The following PRKCB variants were observed in gnomAD, a reference collection of about 807,000 sequenced individuals.
PRKCB encodes protein kinase C beta.
Under a neutral mutation model 81.5 loss-of-function variants are expected in PRKCB, and 13 were observed. The observed-to-expected ratio is 0.16, with a 90% CI of 0.10 to 0.25. The LOEUF (loss-of-function observed/expected upper bound fraction) is 0.25. PRKCB is among the 10% of genes least tolerant of loss of function. The pLI, the probability that PRKCB is intolerant of heterozygous loss-of-function variation, is 1.00. For missense variants in PRKCB, 509 were observed against 875.7 expected (o/e 0.58, Z 5.29); for synonymous variants, 335 against 321.4 (o/e 1.04, Z -0.45).
chr16:24,021,739 A>C (rs1275579365), intron 3 of PRKCB, among the ~76,000 whole-genome samples: 1 of 152,030 alleles, frequency 6.6e-6, no homozygotes, highest in Admixed American at 6.6e-5. Flanking sequence ...GACCTTGGGC[A>C]AGTTACTTCT....
chr16:24,171,330 A>G (rs1234426205), intron 10 of PRKCB, among the ~76,000 whole-genome samples: 1 of 152,166 alleles, frequency 6.6e-6, no homozygotes, highest in Non-Finnish European at 1.5e-5. Context: ...GTACCTTCCC[A>G]TAGTACTGCT....
At chr16:24,063,281 C>A (rs1033884438) in intron 5 of PRKCB, among the ~76,000 whole-genome samples, 1 of 151,598 alleles carries the variant, frequency 6.6e-6, no homozygotes, top group South Asian at 2.1e-4. Flanking sequence ...TTTCTGCTTG[C>A]GCCTATCCTG....
chr16:24,144,014 G>A (rs1966949440), intron 9 of PRKCB, among the ~76,000 whole-genome samples: 1 of 152,160 alleles, frequency 6.6e-6, no homozygotes, highest in African/African-American at 2.4e-5. Flanking sequence ...AAGTTCTAGA[G>A]AAAGCTTATT....
At chr16:24,102,360 T>C (rs1966520266) in intron 7 of PRKCB, among the ~76,000 whole-genome samples, 1 of 152,258 alleles carries the variant, frequency 6.6e-6, no homozygotes, top group East Asian at 1.9e-4. Context: ...ACATTTGCGA[T>C]GCTGTCTTGA....
intron 5 of PRKCB, among the ~76,000 whole-genome samples, chr16:24,088,180 C>T (rs1000241087): frequency 9.9e-5 from 15 of 152,138 alleles, no homozygotes; most frequent in Admixed American, 2.0e-4. Flanking sequence ...GAGGGACAGC[C>T]CTTTGGATCT....
intron 5 of PRKCB, among the ~76,000 whole-genome samples, chr16:24,071,566 C>T (rs970682297): frequency 6.6e-6 from 1 of 151,278 alleles, no homozygotes. Flanking sequence ...TCTAGCTCAA[C>T]TCAACAGGGC....
intron 12 of PRKCB, among the ~76,000 whole-genome samples, chr16:24,176,798 G>A (rs762986489): frequency 2.6e-5 from 4 of 151,926 alleles, no homozygotes; most frequent in South Asian, 2.1e-4. Context: ...GGAGGCTGAG[G>A]CAGGAGAATT....
chr16:23,990,975 C>A (rs1183556797), intron 3 of PRKCB, among the ~76,000 whole-genome samples: 2 of 152,212 alleles, frequency 1.3e-5, no homozygotes, highest in Non-Finnish European at 2.9e-5. Flanking sequence ...ACCCCTAGTT[C>A]TCTTACTTTG....
At position 24,026,044 on chromosome 16, in the gene PRKCB, C is replaced by T. The variant is rs140058084; in HGVS notation, c.289-6092C>T. Reference sequence around the variant, plus strand: ...GGGTGTGGTGGTTCACACCTGTAATCCTAGTACTTTGCAAGGCTGAGGCAG... The same window carrying T: ...GGGTGTGGTGGTTCACACCTGTAATTCTAGTACTTTGCAAGGCTGAGGCAG... On this transcript the variant is annotated intron_variant, in intron 3 of 16. Transcript: ENST00000643927. 5.3e-4 allele frequency among the ~76,000 whole-genome samples: 80 copies of T among 152,276 alleles called. No individual in the cohort carries two copies. The East Asian group carries it at 0.015, about 28-fold the overall frequency.
At chr16:23,978,373 C>A (rs1395869393) in intron 2 of PRKCB, among the ~76,000 whole-genome samples, 1 of 152,126 alleles carries the variant, frequency 6.6e-6, no homozygotes, top group Non-Finnish European at 1.5e-5. Flanking sequence ...TTTGTCACCC[C>A]TGTGTTAAGG....
intron 9 of PRKCB, among the ~76,000 whole-genome samples, chr16:24,141,426 T>C (rs748686926): frequency 2.0e-5 from 3 of 151,954 alleles, no homozygotes; most frequent in Non-Finnish European, 4.4e-5. Context: ...GAACTCCTGG[T>C]CTCAAGTGAT....
chr16:23,875,939 A>G (rs933107051), intron 2 of PRKCB, among the ~76,000 whole-genome samples: 1 of 152,246 alleles, frequency 6.6e-6, no homozygotes, highest in East Asian at 1.9e-4. Flanking sequence ...CACCAGGGCT[A>G]GAACTGAGAA....
intron 2 of PRKCB, among the ~76,000 whole-genome samples, chr16:23,867,104 CTTTT>C (rs1240549026): frequency 2.1e-5 from 3 of 142,426 alleles, no homozygotes; most frequent in African/African-American, 7.8e-5. Flanking sequence ...TTCTTTCTTT[CTTTT>C]CTTTCTTCAT....
intron 2 of PRKCB, among the ~76,000 whole-genome samples, chr16:23,966,185 C>G (rs1390449558): frequency 6.6e-6 from 1 of 152,244 alleles, no homozygotes; most frequent in Admixed American, 6.5e-5. Flanking sequence ...TTTGTAACTG[C>G]TTCCAACCAT....
intron 3 of PRKCB, among the ~76,000 whole-genome samples, chr16:23,990,380 C>T (rs940359658): frequency 2.0e-5 from 3 of 151,750 alleles, no homozygotes; most frequent in East Asian, 3.9e-4. Flanking sequence ...ATGGCGTGAA[C>T]CTGGGAGGCA....
At chr16:23,846,241 A>G (rs760546659) in intron 2 of PRKCB, among the ~76,000 whole-genome samples, 6 of 151,538 alleles carry the variant, frequency 4.0e-5, no homozygotes, top group Non-Finnish European at 8.8e-5. Context: ...TCTAACACAA[A>G]TCTGGGCACT....
intron 5 of PRKCB, among the ~76,000 whole-genome samples, chr16:24,075,360 G>T (rs1427718871): frequency 6.6e-6 from 1 of 152,134 alleles, no homozygotes; most frequent in Non-Finnish European, 1.5e-5. Context: ...CAGAGAAACA[G>T]GTTTAATTGT....
At chr16:24,192,060 A>ACCTCT (rs1967801714) in intron 16 of PRKCB, among the ~76,000 whole-genome samples, 1 of 152,268 alleles carries the variant, frequency 6.6e-6, no homozygotes, top group South Asian at 2.1e-4. Flanking sequence ...CTGAAGAGTG[A>ACCTCT]ACATAAACAC....
At chr16:23,896,353 C>T (rs1963379738) in intron 2 of PRKCB, among the ~76,000 whole-genome samples, 1 of 152,068 alleles carries the variant, frequency 6.6e-6, no homozygotes, top group South Asian at 2.1e-4. Flanking sequence ...TTAATTCAAT[C>T]AACAAATATT....
Sources: allele counts gnomAD v4.1 joint callset (sites outside exome capture counted in the v4.1 genomes callset), GRCh38; gene constraint gnomAD v4.1.1; transcripts MANE v1.5; gene names NCBI Gene and HGNC (gene_info 2026-07-23, HGNC 2026-07-21).